USP33: variants seen among roughly 807,000 people sequenced by gnomAD.
USP33 encodes ubiquitin carboxyl-terminal hydrolase 33.
USP33 carries 46 observed loss-of-function variants against 124.2 expected under a neutral mutation model. The observed-to-expected ratio is 0.37, with a 90% CI of 0.29 to 0.47. The LOEUF (loss-of-function observed/expected upper bound fraction) is 0.47. Among genes scored for constraint, USP33 ranks in the 20% least tolerant of loss-of-function variants. The pLI, the probability that USP33 is intolerant of heterozygous loss-of-function variation, is 0.99. For missense variants in USP33, 851 were observed against 1,070.6 expected (o/e 0.79, Z 2.86); for synonymous variants, 350 against 352.3 (o/e 0.99, Z 0.07).
chr1:77,744,106 G>A (rs185699978), intron 1 of USP33, among the ~76,000 whole-genome samples: 140 of 144,348 alleles, frequency 9.7e-4, no homozygotes, highest in Middle Eastern at 3.6e-3. Context: ...CCTGAGGACA[G>A]AGCAAGACTC....
At position 77,759,632 on chromosome 1, in the gene USP33, G is replaced by A. The variant is rs1353223811; in HGVS notation, c.-52+11C>T. 2 of 398,638 alleles carry A rather than the reference G, an allele frequency of 5.0e-6. No homozygotes were observed. Among genetic ancestry groups the A allele is most frequent in the Admixed American group, 8.8e-5 (2 of 22,710 alleles). 24.7% of individuals were successfully genotyped at this position (398,638 alleles called of 1,614,324 possible). A position where few individuals can be genotyped will look rare whatever the true frequency, so the allele number is the denominator to read the frequency against. On this transcript the variant is annotated intron_variant, in intron 1 of 23. Transcript: ENST00000370794. ...TGGGCCCCGCGCCCCTCCCAGCAGC[G>A]CCGCGCTCACCTCCACGGCCTGGCC...
At chr1:77,736,024 A>G (rs2101519797) in intron 6 of USP33, 32 bp downstream of exon 6, 1 of 1,498,458 alleles carries the variant, frequency 6.7e-7, no homozygotes, top group East Asian at 2.3e-5. Flanking sequence ...GGGCAGTGCC[A>G]TACAAAGAAG....
chr1:77,702,126 A>G, intron 21 of USP33, among the ~76,000 whole-genome samples: 1 of 141,104 alleles, frequency 7.1e-6, no homozygotes, highest in South Asian at 2.4e-4. Flanking sequence ...TGGGTGACAG[A>G]ACAAGACCCT....
rs1673482190 is a variant in USP33 at position 77,696,990 on chromosome 1, G to A, written c.*327C>T. 6.2e-6 allele frequency: 1 copy of A among 161,396 alleles called. No individual in the cohort carries two copies. The allele number at this position is 161,396 out of a possible 1,614,324, so 10.0% of individuals were successfully genotyped here. A position where few individuals can be genotyped will look rare whatever the true frequency, so the allele number is the denominator to read the frequency against. ...CCAGCTACTCGAGAGGCTGAGGCAGGAGAATCGCTTGAACCCAGGAGGTGG... is the reference window on the plus strand; with the variant it reads ...CCAGCTACTCGAGAGGCTGAGGCAGAAGAATCGCTTGAACCCAGGAGGTGG... On this transcript the variant is annotated 3_prime_UTR_variant, in exon 24 of 24. Transcript: ENST00000370794.
intron 1 of USP33, among the ~76,000 whole-genome samples, chr1:77,748,044 T>C (rs758402150): frequency 1.3e-5 from 2 of 152,228 alleles, no homozygotes; most frequent in Non-Finnish European, 2.9e-5. Flanking sequence ...CTAATCCTTT[T>C]CATGGTTTCC....
Position 77,698,035 on chromosome 1 carries a change from G to A in USP33, c.2510-104C>T. 3 of 799,420 alleles carry A rather than the reference G, an allele frequency of 3.8e-6. No individual in the cohort carries two copies. The Admixed American group carries it at 7.8e-5, about 21-fold the overall frequency. 49.5% of individuals were successfully genotyped at this position (799,420 alleles called of 1,614,324 possible). Reference sequence around the variant, plus strand: ...TGACCTATAACTACATTATCAGACTGGTTATTTCTCAGGCAAATTATTATA... The same window carrying A: ...TGACCTATAACTACATTATCAGACTAGTTATTTCTCAGGCAAATTATTATA... On this transcript the variant is annotated intron_variant, in intron 22 of 23. Coordinates refer to ENST00000370794, the MANE Select transcript of USP33 (RefSeq NM_201624.3).
rs1553201899 is a variant in USP33, at chr1:77,750,663, A to AGAAAGAAAGAAAGAAAGAAAGAAAG, written c.-51-8916_-51-8915insCTTTCTTTCTTTCTTTCTTTCTTTC. 9.6e-4 allele frequency among the ~76,000 whole-genome samples: 145 copies of AGAAAGAAAGAAAGAAAGAAAGAAAG among 150,280 alleles called. 1 individual carries two copies. The highest frequency in any genetic ancestry group is 5.2e-3 in the East Asian group (26 of 5,006). On this transcript the variant is annotated intron_variant, in intron 1 of 23. Transcript: ENST00000370794. ...AAGAAAGAAAGAAAGAAAGAAAGAA[A>AGAAAGAAAGAAAGAAAGAAAGAAAG]GAAAGAAAGAAAGAAAGAAAGAAAA... is the stretch of plus-strand genomic sequence containing the variant.
intron 1 of USP33, 41 bp downstream of exon 1, chr1:77,759,602 G>A: frequency 2.5e-6 from 1 of 398,186 alleles, no homozygotes; most frequent in Non-Finnish European, 4.4e-6. Flanking sequence ...CGAGCGAAAC[G>A]CCCTTGGGCC....
chr1:77,697,492 GA>G lies in USP33; in HGVS notation c.2579-19del. ...ATCTGCTCCTTAAAATTACGTAGAAGAAATAATGTTTACAAACCTATATATT... is the reference window on the plus strand; with the variant it reads ...ATCTGCTCCTTAAAATTACGTAGAAGAATAATGTTTACAAACCTATATATT... On this transcript the variant is annotated intron_variant, in intron 23 of 23. Transcript: ENST00000370794. The G allele has an allele frequency of 6.3e-7, 1 of 1,585,092 alleles. No individual in the cohort carries two copies. The highest frequency in any genetic ancestry group is 1.2e-5 in the South Asian group (1 of 86,028).
chr1:77,733,169 G>A (rs1031858413), intron 7 of USP33, among the ~76,000 whole-genome samples: 3 of 152,020 alleles, frequency 2.0e-5, no homozygotes, highest in Admixed American at 6.5e-5. Flanking sequence ...TGAGGCATGC[G>A]AATCACTTGA....
intron 21 of USP33, among the ~76,000 whole-genome samples, chr1:77,705,260 T>C (rs1050625753): frequency 6.6e-6 from 1 of 151,826 alleles, no homozygotes; most frequent in Non-Finnish European, 1.5e-5. Context: ...AGTGGTGCGA[T>C]CTCGGCTCAC....
intron 7 of USP33, among the ~76,000 whole-genome samples, chr1:77,731,986 C>T (rs189293947): frequency 1.3e-4 from 20 of 151,844 alleles, no homozygotes; most frequent in African/African-American, 4.3e-4. Flanking sequence ...CACCTGTGGT[C>T]GTAGCTACTT....
intron 23 of USP33, 35 bp downstream of exon 23, chr1:77,697,828 T>C: frequency 6.4e-7 from 1 of 1,556,924 alleles, no homozygotes; most frequent in African/African-American, 1.4e-5. Flanking sequence ...GACAAATCAC[T>C]CACAAGTAAA....
chr1:77,698,247 T>C (rs1673619670), intron 22 of USP33, among the ~76,000 whole-genome samples: 1 of 150,586 alleles, frequency 6.6e-6, no homozygotes. Context: ...CTTTTTTTTT[T>C]TTTTTTAGTA....
In USP33 at chr1:77,697,270, G is replaced by C; in HGVS notation, c.*47C>G. ...AATGTTTTCGCATGTGTACATGTCA[G>C]GGCACATGAAAATGATTCCTCATTA... On this transcript the variant is annotated 3_prime_UTR_variant, in exon 24 of 24. Transcript: ENST00000370794. 1.3e-6 allele frequency: 2 copies of C among 1,515,408 alleles called. No individual in the cohort carries two copies. Among genetic ancestry groups the C allele is most frequent in the Non-Finnish European group, 1.8e-6 (2 of 1,124,998 alleles). 93.9% of individuals were successfully genotyped at this position (1,515,408 alleles called of 1,614,324 possible).
intron 20 of USP33, among the ~76,000 whole-genome samples, 172 bp downstream of exon 20, chr1:77,713,028 T>C (rs1557823622): frequency 6.6e-6 from 1 of 152,198 alleles, no homozygotes; most frequent in African/African-American, 2.4e-5. Context: ...AAATTAATTA[T>C]CTAGACTATG....
At chr1:77,712,092 T>C (rs1295611312) in intron 20 of USP33, among the ~76,000 whole-genome samples, 1 of 152,196 alleles carries the variant, frequency 6.6e-6, no homozygotes, top group Non-Finnish European at 1.5e-5. Context: ...CTCCAAAATG[T>C]TAGAGCCAAC....
intron 1 of USP33, among the ~76,000 whole-genome samples, chr1:77,744,540 A>C (rs998615174): frequency 2.6e-5 from 4 of 152,182 alleles, no homozygotes; most frequent in Admixed American, 6.5e-5. Context: ...AATAAAAAGA[A>C]AATCTTAAAA....
intron 7 of USP33, among the ~76,000 whole-genome samples, chr1:77,731,293 G>A (rs1391315106): frequency 6.6e-6 from 1 of 152,194 alleles, no homozygotes; most frequent in Non-Finnish European, 1.5e-5. Flanking sequence ...ACTTTCAAGT[G>A]AACCTGCACT....
Sources: allele counts gnomAD v4.1 joint callset (sites outside exome capture counted in the v4.1 genomes callset), GRCh38; gene constraint gnomAD v4.1.1; transcripts MANE v1.5; gene names NCBI Gene and HGNC (gene_info 2026-07-23, HGNC 2026-07-21).